GPC3: variants seen among roughly 807,000 people sequenced by gnomAD.
GPC3 encodes the protein glypican 3, also known as glypican-3.
In GPC3, 3 loss-of-function variants were observed where a neutral mutation model predicts 34.4. That is an observed-to-expected ratio of 0.09 (90% confidence interval 0.04 to 0.23). The LOEUF (loss-of-function observed/expected upper bound fraction) is 0.23, where lower values mean the gene tolerates loss of function less well. Among genes scored for constraint, GPC3 ranks in the 10% least tolerant of loss-of-function variants. GPC3 has a pLI of 1.00. For missense variants in GPC3, 351 were observed against 445.6 expected (o/e 0.79, Z 1.91); for synonymous variants, 177 against 174.0 (o/e 1.02, Z -0.13).
At chrX:133,554,054 G>A (rs1458925486) in intron 7 of GPC3, among the ~76,000 whole-genome samples, 3 of 104,552 alleles carry the variant, frequency 2.9e-5, no homozygotes, top group Non-Finnish European at 5.8e-5. Flanking sequence ...TTACTGTGTC[G>A]CCAGGCTGGA....
chrX:133,956,178 A>G (rs1436462220), intron 1 of GPC3, among the ~76,000 whole-genome samples: 1 of 112,128 alleles, frequency 8.9e-6, no homozygotes, highest in Non-Finnish European at 1.9e-5. Context: ...TGGAAAGGTG[A>G]TATTTAATGT....
chrX:133,772,506 T>C lies in GPC3; in HGVS notation c.338-18330A>G, dbSNP rs912386749. 2.7e-5 allele frequency among the ~76,000 whole-genome samples: 3 copies of C among 111,623 alleles called. No individual in the cohort carries two copies. The South Asian group carries it at 1.2e-3, about 43-fold the overall frequency. ...CACATTTGGGTTGATGGTATCGTCATACCCCACCCCCTAAAAATGTTATAT... is the reference window on the plus strand; with the variant it reads ...CACATTTGGGTTGATGGTATCGTCACACCCCACCCCCTAAAAATGTTATAT... On this transcript the variant is annotated intron_variant, in intron 2 of 7. Coordinates refer to ENST00000370818, the MANE Select transcript of GPC3 (RefSeq NM_004484.4).
At chrX:133,944,094 AT>A (rs1180551138) in intron 2 of GPC3, among the ~76,000 whole-genome samples, 1 of 110,373 alleles carries the variant, frequency 9.1e-6, no homozygotes, top group Non-Finnish European at 1.9e-5. Context: ...ATGTATATAT[AT>A]ATATATGTGT....
At chrX:133,874,608 T>C (rs757889820) in intron 2 of GPC3, among the ~76,000 whole-genome samples, 1 of 111,750 alleles carries the variant, frequency 8.9e-6, no homozygotes, top group Non-Finnish European at 1.9e-5. Context: ...CAGTAATAGG[T>C]TGGACAACAG....
intron 5 of GPC3, among the ~76,000 whole-genome samples, chrX:133,673,217 C>T (rs967258709): frequency 1.2e-4 from 13 of 112,716 alleles, no homozygotes; most frequent in Non-Finnish European, 1.9e-5. Flanking sequence ...GGATTACAGG[C>T]GTGAGCCACT....
At chrX:133,536,408 T>A in intron 7 of GPC3, 115 bp from the exon 8 acceptor site, 1 of 549,586 alleles carries the variant, frequency 1.8e-6, no homozygotes. Flanking sequence ...TTTGATTCCC[T>A]TTTTTATGGG....
intron 2 of GPC3, among the ~76,000 whole-genome samples, chrX:133,810,560 CG>C (rs1208682068): frequency 2.7e-5 from 3 of 111,383 alleles, no homozygotes; most frequent in Non-Finnish European, 5.6e-5. Context: ...AGTGAGTCCA[CG>C]CTATATGTAC....
intron 2 of GPC3, among the ~76,000 whole-genome samples, chrX:133,769,871 C>T (rs762729821): frequency 2.0e-4 from 22 of 112,274 alleles, no homozygotes; most frequent in East Asian, 1.1e-3. Flanking sequence ...GTTCTGTATA[C>T]GAAATGCCAG....
chrX:133,677,720 G>T (rs1276882701), intron 5 of GPC3, among the ~76,000 whole-genome samples: 1 of 111,745 alleles, frequency 8.9e-6, no homozygotes, highest in Admixed American at 9.5e-5. Flanking sequence ...TCTAGCAAGG[G>T]GCTGAAATAT....
chrX:133,752,276 G>A (rs1440447717), intron 3 of GPC3, among the ~76,000 whole-genome samples: 1 of 111,723 alleles, frequency 9.0e-6, no homozygotes, highest in Non-Finnish European at 1.9e-5. Flanking sequence ...TTTACAAATT[G>A]TATGAATGTA....
chrX:133,828,144 A>C, intron 2 of GPC3, among the ~76,000 whole-genome samples: 1 of 111,029 alleles, frequency 9.0e-6, no homozygotes, highest in Non-Finnish European at 1.9e-5. Flanking sequence ...ACTATTTTTA[A>C]TTTTTATTTA....
chrX:133,792,797 T>G (rs1380876102), intron 2 of GPC3, among the ~76,000 whole-genome samples: 2 of 111,545 alleles, frequency 1.8e-5, no homozygotes, highest in African/African-American at 6.5e-5. Context: ...CATTCAAAAT[T>G]TGTAACATGG....
intron 2 of GPC3, among the ~76,000 whole-genome samples, chrX:133,843,588 G>A (rs1487189118): frequency 9.0e-6 from 1 of 111,090 alleles, no homozygotes; most frequent in East Asian, 2.8e-4. Context: ...ATGCAAGAAT[G>A]GCCTAATGCA....
At chrX:133,876,498 A>G (rs1603264507) in intron 2 of GPC3, among the ~76,000 whole-genome samples, 1 of 112,140 alleles carries the variant, frequency 8.9e-6, no homozygotes, top group South Asian at 3.7e-4. Flanking sequence ...TTTATGTCCT[A>G]TCTACCTGGG....
At chrX:133,815,567 T>TA (rs1166991213) in intron 2 of GPC3, among the ~76,000 whole-genome samples, 3 of 111,419 alleles carry the variant, frequency 2.7e-5, no homozygotes, top group Admixed American at 1.9e-4. Context: ...TTAGGAAAAC[T>TA]AAAAAAACTA....
chrX:133,786,954 G>T (rs1439329954), intron 2 of GPC3, among the ~76,000 whole-genome samples: 1 of 111,340 alleles, frequency 9.0e-6, no homozygotes. Context: ...CACATAGTTG[G>T]TCTGGTAGGT....
intron 7 of GPC3, among the ~76,000 whole-genome samples, chrX:133,561,487 T>C (rs993578114): frequency 8.9e-6 from 1 of 112,310 alleles, no homozygotes; most frequent in African/African-American, 3.2e-5. Flanking sequence ...AGAAATAACT[T>C]TGGCTTTTAC....
chrX:133,690,207 T>C (rs1046741064), intron 5 of GPC3, among the ~76,000 whole-genome samples: 9 of 111,279 alleles, frequency 8.1e-5, no homozygotes, highest in African/African-American at 2.9e-4. Flanking sequence ...GTCAGTAAAA[T>C]AGCATAGATG....
chrX:133,867,723 G>A (rs2075974762), intron 2 of GPC3, among the ~76,000 whole-genome samples: 1 of 108,115 alleles, frequency 9.2e-6, no homozygotes, highest in Non-Finnish European at 1.9e-5. Flanking sequence ...TTTTGGCCCA[G>A]CATACCCCCG....
Sources: gnomAD v4.1 joint callset for allele counts (sites outside exome capture counted in the v4.1 genomes callset) on GRCh38, gnomAD v4.1.1 for gene constraint, MANE v1.5 for transcripts, NCBI Gene and HGNC (gene_info 2026-07-23, HGNC 2026-07-21) for gene names.